PTBP2: variants seen among roughly 807,000 people sequenced by gnomAD.
The protein encoded by PTBP2 is polypyrimidine tract binding protein 2.
A neutral mutation model predicts 61.4 loss-of-function variants in PTBP2; 13 were observed. That is an observed-to-expected ratio of 0.21 (90% confidence interval 0.14 to 0.34). The LOEUF is 0.34. Among genes scored for constraint, PTBP2 ranks in the 10% least tolerant of loss-of-function variants. The probability of loss-of-function intolerance (pLI) is 1.00; values close to 1 mark genes in which losing one functional copy is unlikely to be tolerated. For missense variants in PTBP2, 405 were observed against 642.6 expected (o/e 0.63, Z 4.00); for synonymous variants, 215 against 218.5 (o/e 0.98, Z 0.14).
chr1:96,772,565 C>T (rs1657498694), intron 5 of PTBP2, among the ~76,000 whole-genome samples: 1 of 152,104 alleles, frequency 6.6e-6, no homozygotes, highest in Non-Finnish European at 1.5e-5. Context: ...ATCACCCCTT[C>T]CCTGTTCACT....
intron 8 of PTBP2, among the ~76,000 whole-genome samples, chr1:96,791,669 T>C (rs997003818): frequency 2.0e-5 from 3 of 152,088 alleles, no homozygotes; most frequent in African/African-American, 7.2e-5. Context: ...GGATTCGCTA[T>C]GTTTTCTGCC....
At chr1:96,803,587 GT>G (rs1339809942) in intron 8 of PTBP2, among the ~76,000 whole-genome samples, 1 of 151,882 alleles carries the variant, frequency 6.6e-6, no homozygotes, top group Non-Finnish European at 1.5e-5. Flanking sequence ...AAAAACTTAG[GT>G]TAAGGTTTGT....
chr1:96,739,776 G>T (rs1652748540), intron 2 of PTBP2, among the ~76,000 whole-genome samples: 2 of 151,374 alleles, frequency 1.3e-5, no homozygotes, highest in Admixed American at 6.6e-5. Flanking sequence ...ACCACGCCCG[G>T]CTAATTTTTT....
chr1:96,749,733 G>T (rs1181528277), intron 2 of PTBP2: 1 of 449,738 alleles, frequency 2.2e-6, no homozygotes, highest in South Asian at 1.6e-5. Flanking sequence ...ATTGTACTTG[G>T]TTGACACTTG....
At chr1:96,754,836 C>T (rs974281878) in intron 3 of PTBP2, among the ~76,000 whole-genome samples, 6 of 152,098 alleles carry the variant, frequency 3.9e-5, no homozygotes, top group Admixed American at 1.3e-4. Flanking sequence ...CTGTATCTCA[C>T]ACTGCATATG....
At chr1:96,774,266 T>C (rs6664720) in intron 5 of PTBP2, among the ~76,000 whole-genome samples, 6,829 of 152,240 alleles carry the variant, frequency 0.045, 481 homozygotes, top group African/African-American at 0.15. Context: ...TCTGTTCGTC[T>C]GTTTTTCACC....
intron 3 of PTBP2, among the ~76,000 whole-genome samples, chr1:96,755,214 A>G (rs555032113): frequency 4.6e-5 from 7 of 152,350 alleles, no homozygotes; most frequent in African/African-American, 1.7e-4. Flanking sequence ...CACAAAAGAT[A>G]CACAGATGGT....
chr1:96,769,477 A>C (rs1051088679), intron 3 of PTBP2, among the ~76,000 whole-genome samples: 6 of 152,050 alleles, frequency 3.9e-5, no homozygotes, highest in African/African-American at 1.4e-4. Context: ...CTGTTAAGAA[A>C]CATTAACAGC....
intron 3 of PTBP2, among the ~76,000 whole-genome samples, chr1:96,763,945 T>C (rs1209640072): frequency 2.6e-5 from 4 of 152,218 alleles, no homozygotes; most frequent in African/African-American, 9.6e-5. Flanking sequence ...AAATACTCCA[T>C]GTAATTCAGA....
chr1:96,792,606 A>G (rs984881996), intron 8 of PTBP2, among the ~76,000 whole-genome samples: 1 of 152,098 alleles, frequency 6.6e-6, no homozygotes, highest in Non-Finnish European at 1.5e-5. Context: ...TTTTTTTTAC[A>G]TACTAAGATA....
At chr1:96,737,080 C>T (rs1268927995) in intron 2 of PTBP2, among the ~76,000 whole-genome samples, 3 of 151,136 alleles carry the variant, frequency 2.0e-5, no homozygotes, top group Admixed American at 6.6e-5. Flanking sequence ...CCTGGGTTCA[C>T]GCCATTCTCC....
Position 96,721,835 on chromosome 1 carries a change from C to A in PTBP2, c.-30C>A. 6.4e-7 allele frequency: 1 copy of A among 1,560,110 alleles called. No homozygotes were observed. Among genetic ancestry groups the A allele is most frequent in the Non-Finnish European group, 8.7e-7 (1 of 1,152,038 alleles). Reference sequence around the variant, plus strand: ...GGCTCGCTGGCTGCGTGGCTCGGTTCTTGTGAGCGAAGCTTTGTCCGGTTC... The same window carrying A: ...GGCTCGCTGGCTGCGTGGCTCGGTTATTGTGAGCGAAGCTTTGTCCGGTTC... On this transcript the variant is annotated 5_prime_UTR_variant, in exon 1 of 14. Coordinates refer to ENST00000674951, the MANE Select transcript of PTBP2 (RefSeq NM_021190.4).
rs1321414802 is a variant in PTBP2, at chr1:96,746,895, C to G, written c.40-4530C>G. ...TGTCCCTCCCTCCCTCCCTCCCTCC[C>G]TCCCTCCCTCCCTCCCTCCCTTCCT... On this transcript the variant is annotated intron_variant, in intron 2 of 13. Coordinates refer to ENST00000674951, the MANE Select transcript of PTBP2 (RefSeq NM_021190.4). Among the ~76,000 whole-genome samples the G allele has an allele frequency of 1.1e-3, 63 of 56,674 alleles. 3 individuals carry two copies. In the East Asian group the frequency reaches 0.025, roughly 23 times the overall value. 37.2% of individuals were successfully genotyped at this position (56,674 alleles called of 152,430 possible).
intron 2 of PTBP2, among the ~76,000 whole-genome samples, chr1:96,750,295 A>G (rs1654373803): frequency 6.6e-6 from 1 of 152,078 alleles, no homozygotes; most frequent in African/African-American, 2.4e-5. Context: ...AAACTATGCC[A>G]TGCCAGATCT....
chr1:96,809,754 ATAAAATACT>A (rs1286766850), intron 11 of PTBP2, among the ~76,000 whole-genome samples: 2 of 152,194 alleles, frequency 1.3e-5, no homozygotes, highest in African/African-American at 4.8e-5. Context: ...TAATGGGAAT[ATAAAATACT>A]TAAAATTAAG....
At chr1:96,733,021 C>CTTT (rs35353502) in intron 2 of PTBP2, among the ~76,000 whole-genome samples, 4 of 139,472 alleles carry the variant, frequency 2.9e-5, no homozygotes, top group African/African-American at 5.3e-5. Flanking sequence ...TTCTTTCTTT[C>CTTT]TTTTTTTTTT....
At chr1:96,776,246 A>C (rs1329451547) in intron 5 of PTBP2, among the ~76,000 whole-genome samples, 4 of 152,036 alleles carry the variant, frequency 2.6e-5, no homozygotes, top group African/African-American at 9.7e-5. Context: ...TATTGCAATG[A>C]GCTACTTAAA....
chr1:96,813,019 AT>A lies in PTBP2; in HGVS notation c.1389-6del. On this transcript the variant is annotated splice_polypyrimidine_tract_variant and intron_variant, in intron 12 of 13. Coordinates refer to ENST00000674951, the MANE Select transcript of PTBP2 (RefSeq NM_021190.4). ...AATCTTCACTTTTTCTTCCCATTCA[AT>A]TTTCCTAGTCCATCAGTAGCAGAAG... 6.2e-7 allele frequency: 1 copy of A among 1,609,480 alleles called. No individual in the cohort carries two copies. The highest frequency in any genetic ancestry group is 8.5e-7 in the Non-Finnish European group (1 of 1,176,210).
At chr1:96,821,450 T>C (rs1040850646) in exon 14 of PTBP2, 2 of 151,962 alleles carry the variant, frequency 1.3e-5, no homozygotes, top group Non-Finnish European at 2.9e-5. Context: ...AGATTGTATG[T>C]CAGTGTAAAA....
Sources: allele counts gnomAD v4.1 joint callset (sites outside exome capture counted in the v4.1 genomes callset), GRCh38; gene constraint gnomAD v4.1.1; transcripts MANE v1.5; gene names NCBI Gene and HGNC (gene_info 2026-07-23, HGNC 2026-07-21).